The following LOXHD1 variants were observed in gnomAD, a reference collection of about 807,000 sequenced individuals.
LOXHD1 encodes the protein lipoxygenase homology PLAT domains 1.
Under a neutral mutation model 248.2 loss-of-function variants are expected in LOXHD1, and 205 were observed. That is an observed-to-expected ratio of 0.83 (90% CI 0.74 to 0.93). The LOEUF (loss-of-function observed/expected upper bound fraction) is 0.93. Ranked by LOEUF, LOXHD1 falls within the 40% of genes least tolerant of loss-of-function variation. LOXHD1 has a pLI of 0.00. For missense variants in LOXHD1, 2,930 were observed against 2,971.6 expected (o/e 0.99, Z 0.33); for synonymous variants, 1,113 against 1,162.8 (o/e 0.96, Z 0.87).
At chr18:46,594,309 G>T in intron 9 of LOXHD1, 22 bp downstream of exon 9, 1 of 1,551,304 alleles carries the variant, frequency 6.4e-7, no homozygotes, top group Non-Finnish European at 8.7e-7. Flanking sequence ...AGGCCTCCAG[G>T]TTCTGGGTCT....
intron 12 of LOXHD1, among the ~76,000 whole-genome samples, chr18:46,585,115 T>G (rs745482888): frequency 3.9e-5 from 6 of 152,146 alleles, no homozygotes; most frequent in Non-Finnish European, 8.8e-5. Context: ...ACATCATAGT[T>G]AATCATGAAA....
chr18:46,523,344 G>A lies in LOXHD1; in HGVS notation c.4877-1035C>T, dbSNP rs563803191. Among the ~76,000 whole-genome samples the A allele has an allele frequency of 5.9e-5, 9 of 152,218 alleles. No homozygotes were observed. The South Asian group carries it at 1.0e-3, about 18-fold the overall frequency. On this transcript the variant is annotated intron_variant, in intron 31 of 40. Coordinates refer to ENST00000642948, the MANE Select transcript of LOXHD1 (RefSeq NM_001384474.1). ...TGCTTGGAATATGGATGTGATGGCT[G>A]GAGCTCCAGCATTCATCTTGGAACC...
intron 18 of LOXHD1, 106 bp downstream of exon 18, chr18:46,562,959 G>T: frequency 7.6e-7 from 1 of 1,316,360 alleles, no homozygotes; most frequent in Non-Finnish European, 1.0e-6. Context: ...GAGGGAGGCA[G>T]CCCATTCTCG....
chr18:46,484,373 G>C (rs1438312977), intron 39 of LOXHD1, among the ~76,000 whole-genome samples: 2 of 152,146 alleles, frequency 1.3e-5, no homozygotes, highest in African/African-American at 4.8e-5. Context: ...ATGGGGTCAT[G>C]AGAGCTGAGC....
intron 21 of LOXHD1, among the ~76,000 whole-genome samples, chr18:46,555,736 A>T (rs534104445): frequency 5.9e-5 from 9 of 151,866 alleles, no homozygotes; most frequent in African/African-American, 2.2e-4. Context: ...GGCCCCTTAC[A>T]CCCAAGGGGC....
At chr18:46,529,027 G>T in intron 29 of LOXHD1, 150 bp downstream of exon 29, 1 of 935,522 alleles carries the variant, frequency 1.1e-6, no homozygotes, top group Non-Finnish European at 1.6e-6. Flanking sequence ...AGGCACACTT[G>T]CAAGGGAAGG....
chr18:46,637,420 C>G (rs1021725521), intron 4 of LOXHD1, among the ~76,000 whole-genome samples: 7 of 152,112 alleles, frequency 4.6e-5, no homozygotes, highest in African/African-American at 1.4e-4. Flanking sequence ...GACAGTGGAA[C>G]CCTGGATTTT....
intron 16 of LOXHD1, among the ~76,000 whole-genome samples, chr18:46,567,756 T>C (rs918969419): frequency 6.6e-6 from 1 of 152,208 alleles, no homozygotes; most frequent in African/African-American, 2.4e-5. Context: ...TTGTTATGAA[T>C]GAGAAAACGG....
Position 46,546,967 on chromosome 18 carries a change from G to T in LOXHD1, c.3442C>A (p.Leu1148Met). 6.4e-7 allele frequency: 1 copy of T among 1,551,770 alleles called. No individual in the cohort carries two copies. The highest frequency in any genetic ancestry group is 8.7e-7 in the Non-Finnish European group (1 of 1,146,998). The change falls in exon 22 of 41, where the codon CTG becomes ATG. Residue 1148 changes from leucine to methionine, a missense_variant. Leu to Met is a conservative substitution (Grantham distance 15). Transcript: ENST00000642948. The part of the protein sequence containing the change: ...ELLPVDESYV[L>M]PQSEEGRGGG... ...CCCCTACCCTCCTCGCTCTGTGGCA[G>T]CACATAGGACTCATCCACTGGCAAC... is the stretch of plus-strand genomic sequence containing the variant.
At chr18:46,565,148 C>A (rs913272879) in intron 17 of LOXHD1, among the ~76,000 whole-genome samples, 2 of 152,044 alleles carry the variant, frequency 1.3e-5, no homozygotes, top group African/African-American at 4.8e-5. Context: ...CCTGTAGTCC[C>A]AGCTACTCAG....
chr18:46,581,303 G>A (rs2037956949), intron 12 of LOXHD1, among the ~76,000 whole-genome samples: 1 of 152,146 alleles, frequency 6.6e-6, no homozygotes, highest in African/African-American at 2.4e-5. Context: ...ATAGTTCTTG[G>A]TGATGGATCA....
Position 46,566,256 on chromosome 18 carries a change from C to A in LOXHD1, c.2437+1G>T, listed in dbSNP as rs1474677081. The A allele has an allele frequency of 6.5e-7, 1 of 1,547,322 alleles. No individual in the cohort carries two copies. The highest frequency in any genetic ancestry group is 2.0e-5 in the Admixed American group (1 of 50,890). On this transcript the variant is annotated splice_donor_variant, in intron 17 of 40. Coordinates refer to ENST00000642948, the MANE Select transcript of LOXHD1 (RefSeq NM_001384474.1). LOFTEE classifies it high-confidence loss of function. ...TGGTCCCACCACAGCCTCCTCCATACATTTCTGGATCTCCACCACCTCGCT... is the reference window on the plus strand; with the variant it reads ...TGGTCCCACCACAGCCTCCTCCATAAATTTCTGGATCTCCACCACCTCGCT...
At position 46,560,378 on chromosome 18, in the gene LOXHD1, C is replaced by T. The variant is rs552637512; in HGVS notation, c.2766G>A (p.Lys922=). 97 of 1,552,480 alleles carry T rather than the reference C, an allele frequency of 6.2e-5. No homozygotes were observed. The South Asian group carries it at 1.1e-3, about 17-fold the overall frequency. Residue 922 remains lysine (K), a synonymous_variant, in exon 19 of 41, where the codon AAG becomes AAA. Coordinates refer to ENST00000642948, the MANE Select transcript of LOXHD1 (RefSeq NM_001384474.1). ...EEARKKKEKD[K]LRQLLKKERL... The stretch of plus-strand genomic sequence containing the variant: ...GCTCCTTCTTGAGCAGCTGCCGCAG[C>T]TTGTCCTTCTCCTTCTTCTTCCGGG...
intron 2 of LOXHD1, among the ~76,000 whole-genome samples, chr18:46,648,310 G>A (rs328177): frequency 0.41 from 62,737 of 151,886 alleles, 13,407 homozygotes; most frequent in East Asian, 0.5. Flanking sequence ...AAAAAAAAAC[G>A]TGGGGTTTAA....
chr18:46,577,715 T>C lies in LOXHD1; in HGVS notation c.1962A>G (p.Pro654=), dbSNP rs1434524128. 1.3e-5 allele frequency: 20 copies of C among 1,550,956 alleles called. No individual in the cohort carries two copies. The highest frequency in any genetic ancestry group is 1.6e-5 in the Non-Finnish European group (18 of 1,146,504). The stretch of plus-strand genomic sequence containing the variant: ...AGGCAGGACGCATGTACCTGAGACA[T>C]GGGAACTCCACGTTGTCGCTCTCAG... ...GQPESDNVEF[P]CLRWLDKDKD... is the part of the protein sequence containing the mutation. The change falls in exon 14 of 41, where the codon CCA becomes CCG. Residue 654 remains proline, a synonymous_variant. Coordinates refer to ENST00000642948, the MANE Select transcript of LOXHD1 (RefSeq NM_001384474.1).
At chr18:46,652,778 C>A (rs2039128402) in intron 1 of LOXHD1, among the ~76,000 whole-genome samples, 1 of 152,174 alleles carries the variant, frequency 6.6e-6, no homozygotes, top group Non-Finnish European at 1.5e-5. Flanking sequence ...CCAGAAATAA[C>A]CCAGATGTTC....
intron 12 of LOXHD1, among the ~76,000 whole-genome samples, chr18:46,586,342 G>A (rs1275164404): frequency 1.3e-5 from 2 of 152,146 alleles, no homozygotes; most frequent in Admixed American, 6.5e-5. Flanking sequence ...ATGGATGCAC[G>A]ATTTTATTAA....
At chr18:46,562,076 C>G (rs1240187873) in intron 18 of LOXHD1, among the ~76,000 whole-genome samples, 3 of 152,224 alleles carry the variant, frequency 2.0e-5, no homozygotes, top group African/African-American at 4.8e-5. Flanking sequence ...GACTGTGAAG[C>G]CAGCCGGGCA....
rs2038737632 is a variant in LOXHD1, at chr18:46,626,024, G to C, written c.512-7734C>G. On this transcript the variant is annotated intron_variant, in intron 4 of 40. Coordinates refer to ENST00000642948, the MANE Select transcript of LOXHD1 (RefSeq NM_001384474.1). ...CAGCCTTCCTGGAGGGCAGGTGAGTGATATATGTTAAAAGCCTTAACATTG... is the reference window on the plus strand; with the variant it reads ...CAGCCTTCCTGGAGGGCAGGTGAGTCATATATGTTAAAAGCCTTAACATTG... Among the ~76,000 whole-genome samples the C allele has an allele frequency of 2.6e-5, 4 of 152,166 alleles. No homozygotes were observed. In the South Asian group the frequency reaches 8.3e-4, roughly 32 times the overall value.
Sources: allele counts gnomAD v4.1 joint callset (sites outside exome capture counted in the v4.1 genomes callset), GRCh38; gene constraint gnomAD v4.1.1; transcripts MANE v1.5; gene names NCBI Gene and HGNC (gene_info 2026-07-23, HGNC 2026-07-21).